The following CENPC variants were observed in gnomAD, a reference collection of about 807,000 sequenced individuals.
The protein encoded by CENPC is CENP-C 1.
In CENPC, 63 loss-of-function variants were observed where a neutral mutation model predicts 112.1. The ratio of observed to expected loss-of-function variants is 0.56; its 90% CI spans 0.46 to 0.69. The LOEUF (loss-of-function observed/expected upper bound fraction) is 0.69, where lower values mean the gene tolerates loss of function less well. Among genes scored for constraint, CENPC ranks in the 30% least tolerant of loss-of-function variants. The pLI, the probability that CENPC is intolerant of heterozygous loss-of-function variation, is 0.00. For synonymous variants in CENPC, 333 were observed against 367.6 expected, an observed-to-expected ratio of 0.91 and a Z score of 1.08; for missense variants, 1,000 against 1,103.8, an observed-to-expected ratio of 0.91 and a Z score of 1.33.
rs141072717 is a variant in CENPC, at chr4:67,541,024, C to T, written c.92G>A (p.Gly31Asp). ...TTGTAAGATTTCCAGAACATTCTGG[C>T]CTTGCTCTGTGTTAATGTCACGTGC... ...SRARDINTEQ[G>D]QNVLEILQDC... The change falls in exon 3 of 19, where the codon GGC becomes GAC. Residue 31 changes from glycine (G) to aspartate (D), a missense_variant. Physicochemically the swap from Gly to Asp is moderately conservative, Grantham distance 94 (BLOSUM62 -1). Coordinates refer to ENST00000273853, the MANE Select transcript of CENPC (RefSeq NM_001812.4). 6.0e-4 allele frequency: 966 copies of T among 1,609,880 alleles called. 6 individuals are homozygous for T. The African/African-American group carries it at 9.3e-3, about 16-fold the overall frequency.
intron 17 of CENPC, among the ~76,000 whole-genome samples, chr4:67,481,989 T>C (rs1021009128): frequency 5.3e-5 from 8 of 151,434 alleles, no homozygotes; most frequent in African/African-American, 1.9e-4. Context: ...CAACCCAGAG[T>C]GAAAGAAAAT....
At chr4:67,515,521 T>G (rs911084921) in intron 7 of CENPC, among the ~76,000 whole-genome samples, 1 of 151,734 alleles carries the variant, frequency 6.6e-6, no homozygotes. Flanking sequence ...TCTTCCTATC[T>G]TTTTTTACAT....
Position 67,514,531 on chromosome 4 carries a change from T to C in CENPC, c.987A>G (p.Gln329=), listed in dbSNP as rs771357906. ...TGCTCTCAGCCGGGGATATTGTGCG[T>C]TGTTTCAGAGACCCTGCCTTTCTTG... is the stretch of plus-strand genomic sequence containing the variant. The part of the protein sequence containing the change: ...TIPRKAGSLK[Q]RTISPAESTA... Residue 329 remains glutamine, a synonymous_variant, in exon 8 of 19, where the codon CAA becomes CAG. Coordinates refer to ENST00000273853, the MANE Select transcript of CENPC (RefSeq NM_001812.4). The C allele has an allele frequency of 6.2e-7, 1 of 1,612,958 alleles. No homozygotes were observed. The highest frequency in any genetic ancestry group is 8.5e-7 in the Non-Finnish European group (1 of 1,179,482).
rs189215579 is a variant in CENPC at position 67,503,972 on chromosome 4, T to C, written c.2131+1233A>G. ...AGCAAAGAATATGTATTCATCTTTA[T>C]ATCAGCTTATGGGATTGGAGCTGAT... On this transcript the variant is annotated intron_variant, in intron 12 of 18. Transcript: ENST00000273853. Among the ~76,000 whole-genome samples the C allele has an allele frequency of 9.9e-5, 15 of 152,056 alleles. No individual in the cohort carries two copies. The East Asian group carries it at 2.9e-3, about 29-fold the overall frequency.
At chr4:67,488,913 T>C (rs1725161828) in intron 17 of CENPC, among the ~76,000 whole-genome samples, 1 of 151,950 alleles carries the variant, frequency 6.6e-6, no homozygotes, top group Non-Finnish European at 1.5e-5. Flanking sequence ...AATTTGCCCT[T>C]CTTTGTTAAT....
intron 18 of CENPC, among the ~76,000 whole-genome samples, chr4:67,473,258 T>C (rs1176945629): frequency 7.2e-5 from 11 of 152,084 alleles, no homozygotes; most frequent in Non-Finnish European, 1.6e-4. Flanking sequence ...AAAAGGCAAA[T>C]GCTACTCTTA....
Position 67,508,918 on chromosome 4 carries a change from A to G in CENPC, c.1800T>C (p.Ser600=). Residue 600 remains serine, a synonymous_variant, in exon 10 of 19, where the codon TCT becomes TCC. Coordinates refer to ENST00000273853, the MANE Select transcript of CENPC (RefSeq NM_001812.4). ...TTTCATCATGACCAACGATACCTCC[A>G]GAACCTTCAGCATTTAAAAACTTCT... is the stretch of plus-strand genomic sequence containing the variant. The part of the protein sequence containing the change: ...RVQKFLNAEG[S]GGIVGHDEIS... 6.2e-7 allele frequency: 1 copy of G among 1,613,724 alleles called. No individual in the cohort carries two copies. Among genetic ancestry groups the G allele is most frequent in the Non-Finnish European group, 8.5e-7 (1 of 1,179,752 alleles).
At chr4:67,528,702 T>C (rs1726456835) in intron 5 of CENPC, among the ~76,000 whole-genome samples, 1 of 152,256 alleles carries the variant, frequency 6.6e-6, no homozygotes, top group Admixed American at 6.5e-5. Flanking sequence ...AATCACATGC[T>C]GTTTATCCAT....
At chr4:67,504,991 C>T (rs1382511553) in intron 12 of CENPC, 2 of 529,816 alleles carry the variant, frequency 3.8e-6, no homozygotes, top group Admixed American at 3.8e-5. Flanking sequence ...ACCTTAAGTG[C>T]CAATATTTCA....
At chr4:67,535,501 T>C (rs1397006340) in intron 4 of CENPC, among the ~76,000 whole-genome samples, 1 of 151,872 alleles carries the variant, frequency 6.6e-6, no homozygotes, top group Non-Finnish European at 1.5e-5. Context: ...CTATGCATAC[T>C]AAGACATTTA....
intron 12 of CENPC, among the ~76,000 whole-genome samples, chr4:67,497,836 T>C (rs1256320695): frequency 3.3e-5 from 5 of 151,984 alleles, no homozygotes; most frequent in African/African-American, 1.2e-4. Context: ...AGCCAAAAGT[T>C]ATGTCTATAC....
At chr4:67,480,032 A>G (rs546380244) in intron 17 of CENPC, among the ~76,000 whole-genome samples, 3 of 152,238 alleles carry the variant, frequency 2.0e-5, no homozygotes, top group Non-Finnish European at 4.4e-5. Context: ...CAACAAAAAA[A>G]GTCCAGGCCG....
chr4:67,474,217 A>C (rs1203763574), intron 18 of CENPC, among the ~76,000 whole-genome samples: 1 of 152,000 alleles, frequency 6.6e-6, no homozygotes, highest in Non-Finnish European at 1.5e-5. Context: ...GGTGTCCGCC[A>C]CCACGCCCAG....
At chr4:67,500,181 G>A (rs945250295) in intron 12 of CENPC, among the ~76,000 whole-genome samples, 6 of 151,480 alleles carry the variant, frequency 4.0e-5, no homozygotes, top group African/African-American at 1.5e-4. Flanking sequence ...AAAAAAAATG[G>A]TGCCAATAAG....
intron 4 of CENPC, among the ~76,000 whole-genome samples, chr4:67,532,694 C>T (rs1282286205): frequency 6.7e-6 from 1 of 150,080 alleles, no homozygotes; most frequent in African/African-American, 2.5e-5. Flanking sequence ...GGGAATTGAA[C>T]AATGAGAACA....
chr4:67,516,632 ACT>A (rs772982943), intron 7 of CENPC, among the ~76,000 whole-genome samples: 115 of 152,128 alleles, frequency 7.6e-4, no homozygotes, highest in Non-Finnish European at 1.4e-3. Context: ...TAATTAGAAA[ACT>A]CTATAAAAAC....
chr4:67,491,478 TATAGAG>T (rs1387362299), intron 16 of CENPC, among the ~76,000 whole-genome samples: 22 of 24,966 alleles, frequency 8.8e-4, no homozygotes, highest in South Asian at 3.8e-3. Context: ...TATATATATA[TATAGAG>T]AGAGAGAGAG....
chr4:67,475,880 C>T (rs141970223), intron 17 of CENPC, among the ~76,000 whole-genome samples: 61 of 152,290 alleles, frequency 4.0e-4, no homozygotes, highest in African/African-American at 1.3e-3. Context: ...TGAGCCACCG[C>T]GCCCAGCCCA....
At chr4:67,504,812 A>T (rs1287113913) in intron 12 of CENPC, among the ~76,000 whole-genome samples, 1 of 151,816 alleles carries the variant, frequency 6.6e-6, no homozygotes, top group Non-Finnish European at 1.5e-5. Context: ...ACAGAGCGAG[A>T]CTCCGTCTCA....
Sources: gnomAD v4.1 joint callset for allele counts (sites outside exome capture counted in the v4.1 genomes callset) on GRCh38, gnomAD v4.1.1 for gene constraint, MANE v1.5 for transcripts, NCBI Gene and HGNC (gene_info 2026-07-23, HGNC 2026-07-21) for gene names.